The following SLC25A21 variants were observed in gnomAD, a reference collection of about 807,000 sequenced individuals.
SLC25A21 encodes the protein solute carrier family 25 member 21, also known as mitochondrial 2-oxodicarboxylate carrier.
SLC25A21 carries 47 observed loss-of-function variants against 43.8 expected under a neutral mutation model. That is an observed-to-expected ratio of 1.07 (90% confidence interval 0.85 to 1.37). SLC25A21 has a LOEUF of 1.37. Among genes scored for constraint, SLC25A21 ranks in the 40% most tolerant of loss-of-function variants. SLC25A21 has a pLI of 0.00. For synonymous variants in SLC25A21, 131 were observed against 121.3 expected (o/e 1.08, Z -0.52); for missense variants, 352 against 350.2 (o/e 1.00, Z -0.04).
intron 1 of SLC25A21, among the ~76,000 whole-genome samples, chr14:36,946,572 T>C (rs1373509238): frequency 6.6e-6 from 1 of 152,170 alleles, no homozygotes; most frequent in Non-Finnish European, 1.5e-5. Flanking sequence ...GCCTGCCTGG[T>C]ATAAATAGAA....
chr14:36,953,026 C>T (rs796985058), intron 1 of SLC25A21, among the ~76,000 whole-genome samples: 37 of 152,300 alleles, frequency 2.4e-4, no homozygotes, highest in African/African-American at 8.7e-4. Flanking sequence ...TGCTATTCTA[C>T]CTCTGCCTCT....
At chr14:36,857,054 T>G (rs918173091) in intron 2 of SLC25A21, among the ~76,000 whole-genome samples, 8 of 152,204 alleles carry the variant, frequency 5.3e-5, no homozygotes, top group African/African-American at 1.2e-4. Flanking sequence ...TTACCACTGT[T>G]TGACTCTAGA....
intron 1 of SLC25A21, among the ~76,000 whole-genome samples, chr14:36,945,911 T>C (rs1892669666): frequency 6.6e-6 from 1 of 152,126 alleles, no homozygotes; most frequent in African/African-American, 2.4e-5. Context: ...ACTAACTTTA[T>C]TTAATGAAGA....
At chr14:37,024,445 G>C (rs758912879) in intron 1 of SLC25A21, among the ~76,000 whole-genome samples, 1 of 151,916 alleles carries the variant, frequency 6.6e-6, no homozygotes, top group African/African-American at 2.4e-5. Flanking sequence ...AGAGTCACTG[G>C]AATCTTCTTT....
At position 37,103,774 on chromosome 14, in the gene SLC25A21, C is replaced by G. The variant is rs190845850; in HGVS notation, c.70+68507G>C. The stretch of plus-strand genomic sequence containing the variant: ...ACTGTGCTTCAAATATCATGGCACA[C>G]AACAGACAGACAACATCCAGTCACT... On this transcript the variant is annotated intron_variant, in intron 1 of 9. Transcript: ENST00000331299. Among the ~76,000 whole-genome samples, 32 of 152,324 alleles carry G rather than the reference C, an allele frequency of 2.1e-4. 1 individual carries two copies. Among genetic ancestry groups the G allele is most frequent in the Admixed American group, 2.0e-3 (31 of 15,300 alleles).
intron 2 of SLC25A21, among the ~76,000 whole-genome samples, chr14:36,820,583 T>C (rs1888590597): frequency 6.6e-6 from 1 of 152,210 alleles, no homozygotes; most frequent in African/African-American, 2.4e-5. Flanking sequence ...ACTGGTGAGA[T>C]TTGTAATTTA....
intron 1 of SLC25A21, among the ~76,000 whole-genome samples, chr14:37,028,165 G>A (rs2138763841): frequency 6.9e-6 from 1 of 144,936 alleles, no homozygotes; most frequent in South Asian, 2.1e-4. Context: ...ACAATGAAAA[G>A]CTACTTTCTG....
intron 1 of SLC25A21, among the ~76,000 whole-genome samples, chr14:36,983,910 G>A (rs960824698): frequency 6.6e-6 from 1 of 152,004 alleles, no homozygotes; most frequent in Non-Finnish European, 1.5e-5. Flanking sequence ...ATTACTACAC[G>A]TTCTCACTTA....
intron 1 of SLC25A21, among the ~76,000 whole-genome samples, chr14:37,051,024 CT>C (rs1487867599): frequency 6.6e-6 from 1 of 151,928 alleles, no homozygotes; most frequent in Non-Finnish European, 1.5e-5. Context: ...TTACCCTACT[CT>C]ATCTTTTTCC....
rs578173022 is a variant in SLC25A21, at chr14:36,857,611, C to T, written c.119+17345G>A. On this transcript the variant is annotated intron_variant, in intron 2 of 9. Coordinates refer to ENST00000331299, the MANE Select transcript of SLC25A21 (RefSeq NM_030631.4). ...TTCAAGGTTTAAATTTACTTTATCT[C>T]TGGTGATGAAAAGCAGTATCAGATA... Among the ~76,000 whole-genome samples, 11 of 152,354 alleles carry T rather than the reference C, an allele frequency of 7.2e-5. No individual in the cohort carries two copies. The South Asian group carries it at 2.1e-3, about 29-fold the overall frequency.
intron 2 of SLC25A21, among the ~76,000 whole-genome samples, chr14:36,821,319 G>T (rs532231487): frequency 1.7e-4 from 26 of 152,206 alleles, no homozygotes; most frequent in African/African-American, 6.3e-4. Context: ...CACATCAGAT[G>T]GTGGAAAGAT....
intron 3 of SLC25A21, among the ~76,000 whole-genome samples, chr14:36,754,321 C>G (rs940744075): frequency 6.6e-6 from 1 of 152,074 alleles, no homozygotes; most frequent in Non-Finnish European, 1.5e-5. Context: ...GATATCAGTT[C>G]TTCTAGTTCT....
intron 2 of SLC25A21, among the ~76,000 whole-genome samples, chr14:36,826,107 C>T (rs1427411175): frequency 6.6e-6 from 1 of 152,186 alleles, no homozygotes; most frequent in Non-Finnish European, 1.5e-5. Flanking sequence ...TACTAAGACA[C>T]CAACTCTCTC....
intron 1 of SLC25A21, among the ~76,000 whole-genome samples, chr14:37,022,668 T>G (rs184641999): frequency 4.3e-4 from 65 of 152,112 alleles, no homozygotes; most frequent in African/African-American, 1.5e-3. Context: ...TGCAGATTAA[T>G]CCTCCTAAAA....
At chr14:37,169,697 C>T (rs1964089847) in intron 1 of SLC25A21, among the ~76,000 whole-genome samples, 1 of 151,904 alleles carries the variant, frequency 6.6e-6, no homozygotes, top group South Asian at 2.1e-4. Context: ...TTCTTCCTCT[C>T]TTGTGTATTG....
At chr14:36,831,929 C>G (rs1447480693) in intron 2 of SLC25A21, among the ~76,000 whole-genome samples, 6 of 152,266 alleles carry the variant, frequency 3.9e-5, no homozygotes, top group Admixed American at 3.3e-4. Flanking sequence ...ATTTTAGTCA[C>G]AGCAGAAAAG....
intron 7 of SLC25A21, among the ~76,000 whole-genome samples, chr14:36,702,564 C>T (rs903111265): frequency 5.3e-5 from 8 of 150,916 alleles, no homozygotes; most frequent in African/African-American, 1.9e-4. Context: ...CATCATGGGT[C>T]TAGATTAGAA....
At position 36,731,368 on chromosome 14, in the gene SLC25A21, G is replaced by A. The variant is rs554871144; in HGVS notation, c.271-1802C>T. ...TGAGCAGTCCTAGAGCTGAATCCAG[G>A]TTATGCTGCTTAGCTGTGAAAGCAC... On this transcript the variant is annotated intron_variant, in intron 4 of 9. Coordinates refer to ENST00000331299, the MANE Select transcript of SLC25A21 (RefSeq NM_030631.4). Among the ~76,000 whole-genome samples the A allele has an allele frequency of 2.0e-5, 3 of 152,244 alleles. No homozygotes were observed. In the South Asian group the frequency reaches 6.2e-4, roughly 32 times the overall value.
At chr14:36,800,977 G>C (rs571281894) in intron 3 of SLC25A21, among the ~76,000 whole-genome samples, 6 of 152,182 alleles carry the variant, frequency 3.9e-5, no homozygotes, top group Non-Finnish European at 8.8e-5. Context: ...CAAGCAAACA[G>C]ATTACAGAAA....
Sources: allele counts gnomAD v4.1 joint callset (sites outside exome capture counted in the v4.1 genomes callset), GRCh38; gene constraint gnomAD v4.1.1; transcripts MANE v1.5; gene names NCBI Gene and HGNC (gene_info 2026-07-23, HGNC 2026-07-21).